The following TMX4 variants were observed in gnomAD, a reference collection of about 807,000 sequenced individuals.
TMX4 encodes thioredoxin-related transmembrane protein 4.
TMX4 carries 23 observed loss-of-function variants against 33.3 expected under a neutral mutation model. That is an observed-to-expected ratio of 0.69 (90% confidence interval 0.50 to 0.98). The LOEUF (loss-of-function observed/expected upper bound fraction) is 0.98, where lower values mean the gene tolerates loss of function less well. Ranked by LOEUF, TMX4 falls within the 50% of genes least tolerant of loss-of-function variation. The pLI is 0.00. For missense variants in TMX4, 399 were observed against 448.9 expected, an observed-to-expected ratio of 0.89 and a Z score of 1.01; for synonymous variants, 164 against 161.5, an observed-to-expected ratio of 1.02 and a Z score of -0.12.
rs1202789066 is a variant in TMX4, at chr20:7,980,758, C to G, written c.*1493G>C. On this transcript the variant is annotated 3_prime_UTR_variant, in exon 8 of 8. Transcript: ENST00000246024. ...AATAACCTCCTTTGTGCAAGTCTTG[C>G]AACATCTTCATTCAACCACAGGAGG... 1 of 152,194 alleles carries G rather than the reference C, an allele frequency of 6.6e-6. No individual in the cohort carries two copies. The allele number at this position is 152,194 out of a possible 1,614,324, so 9.4% of individuals were successfully genotyped here. A position where few individuals can be genotyped will look rare whatever the true frequency, so the allele number is the denominator to read the frequency against.
Position 7,982,613 on chromosome 20 carries a change from G to T in TMX4, c.688C>A (p.Arg230=). The change falls in exon 8 of 8, where the codon CGG becomes AGG. Residue 230 remains arginine (R), a synonymous_variant. Coordinates refer to ENST00000246024, the MANE Select transcript of TMX4 (RefSeq NM_021156.4). ...RHLSERSEQN[R]RSEEAHRAEQ... ...GCTCTATGAGCCTCCTCTGATCTCC[G>T]ATTCTGCTCTATGGAGGGAAGAAAG... 3.7e-6 allele frequency: 6 copies of T among 1,610,608 alleles called. No homozygotes were observed. Among genetic ancestry groups the T allele is most frequent in the Non-Finnish European group, 5.1e-6 (6 of 1,179,142 alleles).
At chr20:7,991,897 A>G (rs2050656723) in intron 5 of TMX4, among the ~76,000 whole-genome samples, 1 of 147,796 alleles carries the variant, frequency 6.8e-6, no homozygotes, top group Non-Finnish European at 1.5e-5. Flanking sequence ...GTGTTTCTGG[A>G]AGAGAAGGAT....
At chr20:8,005,596 C>G (rs2122872336) in intron 2 of TMX4, among the ~76,000 whole-genome samples, 1 of 152,264 alleles carries the variant, frequency 6.6e-6, no homozygotes, top group South Asian at 2.1e-4. Flanking sequence ...CCTGGCCTGC[C>G]ATGCTCCCAT....
At chr20:7,987,200 A>T in intron 6 of TMX4, 88 bp downstream of exon 6, 1 of 931,978 alleles carries the variant, frequency 1.1e-6, no homozygotes, top group Non-Finnish European at 1.6e-6. Context: ...ACTATTTTTT[A>T]TGTGCTTTTT....
At chr20:7,992,911 A>C (rs1400155171) in intron 5 of TMX4, among the ~76,000 whole-genome samples, 1 of 152,224 alleles carries the variant, frequency 6.6e-6, no homozygotes. Flanking sequence ...AAGAAAATAG[A>C]AGTTATAGAA....
intron 1 of TMX4, among the ~76,000 whole-genome samples, chr20:8,011,572 G>A (rs1030645512): frequency 1.3e-5 from 2 of 151,960 alleles, no homozygotes; most frequent in African/African-American, 4.8e-5. Context: ...TTGATCTTTC[G>A]CATTATAAAA....
intron 5 of TMX4, among the ~76,000 whole-genome samples, chr20:7,994,288 C>T (rs566088254): frequency 6.6e-6 from 1 of 152,250 alleles, no homozygotes; most frequent in East Asian, 1.9e-4. Flanking sequence ...GTTATTCAGA[C>T]ATGGATCACA....
intron 4 of TMX4, among the ~76,000 whole-genome samples, chr20:7,996,723 C>T (rs1416404375): frequency 6.6e-6 from 1 of 152,130 alleles, no homozygotes; most frequent in Non-Finnish European, 1.5e-5. Context: ...CTCATCCTCC[C>T]TTCCTGCACG....
chr20:8,011,079 T>C (rs373222231), intron 1 of TMX4, among the ~76,000 whole-genome samples: 9 of 152,232 alleles, frequency 5.9e-5, no homozygotes, highest in African/African-American at 2.2e-4. Flanking sequence ...TTTTTGCGTC[T>C]GTTTAAAATT....
intron 6 of TMX4, 46 bp from the exon 7 acceptor site, chr20:7,983,903 T>A (rs973339263): frequency 2.0e-6 from 3 of 1,480,014 alleles, no homozygotes; most frequent in Non-Finnish European, 2.8e-6. Context: ...AGGACATTTA[T>A]TACCAAAGGA....
intron 2 of TMX4, among the ~76,000 whole-genome samples, chr20:8,006,251 T>G (rs2050730081): frequency 6.6e-6 from 1 of 152,204 alleles, no homozygotes; most frequent in African/African-American, 2.4e-5. Context: ...TTTTCTCGTT[T>G]CATTGATAAA....
chr20:7,981,817 C>G lies in TMX4; in HGVS notation c.*434G>C, dbSNP rs536408827. On this transcript the variant is annotated 3_prime_UTR_variant, in exon 8 of 8. Transcript: ENST00000246024. ...GTGCCTGATGTTTCCTGCAATTTGA[C>G]AAAAATAAATACTTTACACAAGAAA... The G allele has an allele frequency of 6.3e-6, 1 of 158,310 alleles. No individual in the cohort carries two copies. The highest frequency in any genetic ancestry group is 2.4e-5 in the African/African-American group (1 of 41,670). 9.8% of individuals were successfully genotyped at this position (158,310 alleles called of 1,614,324 possible).
chr20:8,010,407 T>C (rs995318165), intron 1 of TMX4, 92 bp from the exon 2 acceptor site: 4 of 800,588 alleles, frequency 5.0e-6, no homozygotes, highest in African/African-American at 3.6e-5. Flanking sequence ...AAATAAATTA[T>C]TAAAAAAGGG....
intron 5 of TMX4, among the ~76,000 whole-genome samples, chr20:7,988,202 G>A (rs764269228): frequency 6.6e-6 from 1 of 152,166 alleles, no homozygotes; most frequent in African/African-American, 2.4e-5. Flanking sequence ...GACCCTGACA[G>A]CTTCAAAAAT....
At chr20:7,992,265 T>G (rs1008604768) in intron 5 of TMX4, among the ~76,000 whole-genome samples, 1 of 152,212 alleles carries the variant, frequency 6.6e-6, no homozygotes, top group Non-Finnish European at 1.5e-5. Flanking sequence ...TAGGCCTCAG[T>G]GACTCCATCT....
At position 7,979,147 on chromosome 20, in the gene TMX4, C is replaced by A. The variant is rs934350905; in HGVS notation, c.*3104G>T. 1.3e-5 allele frequency: 2 copies of A among 151,178 alleles called. No individual in the cohort carries two copies. The allele number at this position is 151,178 out of a possible 1,614,324, so 9.4% of individuals were successfully genotyped here. On this transcript the variant is annotated 3_prime_UTR_variant, in exon 8 of 8. Transcript: ENST00000246024. ...TTGAGTTCCGGATCAAATATATTAT[C>A]TACAGAAAAAATCCACAAACTCTTA...
intron 5 of TMX4, among the ~76,000 whole-genome samples, chr20:7,993,386 TA>T (rs2050663218): frequency 1.3e-5 from 2 of 152,140 alleles, no homozygotes; most frequent in Admixed American, 1.3e-4. Context: ...TTGCCACAAT[TA>T]TACATTCAAC....
At chr20:7,985,844 T>C (rs991212154) in intron 6 of TMX4, among the ~76,000 whole-genome samples, 3 of 152,196 alleles carry the variant, frequency 2.0e-5, no homozygotes, top group Non-Finnish European at 4.4e-5. Flanking sequence ...TGAATCTAGG[T>C]TTCCAAAGGA....
At chr20:7,998,676 A>T (rs2050687977) in intron 4 of TMX4, among the ~76,000 whole-genome samples, 1 of 152,098 alleles carries the variant, frequency 6.6e-6, no homozygotes, top group African/African-American at 2.4e-5. Context: ...CTCCTTAAGT[A>T]CACCAAGCTC....
Sources: allele counts gnomAD v4.1 joint callset (sites outside exome capture counted in the v4.1 genomes callset), GRCh38; gene constraint gnomAD v4.1.1; transcripts MANE v1.5; gene names NCBI Gene and HGNC (gene_info 2026-07-23, HGNC 2026-07-21).